The following PCLO variants were observed in gnomAD, a reference collection of about 807,000 sequenced individuals.
The protein encoded by PCLO is protein piccolo.
Under a neutral mutation model 427.5 loss-of-function variants are expected in PCLO, and 82 were observed. The ratio of observed to expected loss-of-function variants is 0.19; its 90% CI spans 0.16 to 0.23. The LOEUF (loss-of-function observed/expected upper bound fraction) is 0.23, where lower values mean the gene tolerates loss of function less well. Among genes scored for constraint, PCLO ranks in the 10% least tolerant of loss-of-function variants. PCLO has a pLI of 1.00. For missense variants in PCLO, 6,239 were observed against 6,115.9 expected (o/e 1.02, Z -0.67); for synonymous variants, 2,357 against 2,155.4 (o/e 1.09, Z -2.59).
chr7:83,087,697 A>G (rs1192018310), intron 3 of PCLO, among the ~76,000 whole-genome samples: 3 of 152,080 alleles, frequency 2.0e-5, no homozygotes, highest in Admixed American at 6.6e-5. Flanking sequence ...CATTACAATA[A>G]GAAAAAGTAA....
chr7:82,755,164 A>G lies in PCLO; in HGVS notation c.*3411T>C, dbSNP rs1187824912. On this transcript the variant is annotated 3_prime_UTR_variant, in exon 25 of 25. Transcript: ENST00000333891. ...TAATAAGAATCAATATCAGCTGGTT[A>G]CCAGCTATAATATTCCCACAATATG... The G allele has an allele frequency of 6.6e-6, 1 of 152,164 alleles. No individual in the cohort carries two copies. The highest frequency in any genetic ancestry group is 1.5e-5 in the Non-Finnish European group (1 of 68,012). 9.4% of individuals were successfully genotyped at this position (152,164 alleles called of 1,614,324 possible). A position where few individuals can be genotyped will look rare whatever the true frequency, so the allele number is the denominator to read the frequency against.
At chr7:82,990,550 G>A (rs914604213) in intron 3 of PCLO, among the ~76,000 whole-genome samples, 72 of 152,026 alleles carry the variant, frequency 4.7e-4, no homozygotes, top group African/African-American at 1.6e-3. Context: ...CTTGAGTTTG[G>A]TTACAGACAA....
intron 3 of PCLO, among the ~76,000 whole-genome samples, chr7:82,974,394 A>C (rs1471128532): frequency 6.6e-6 from 1 of 152,176 alleles, no homozygotes; most frequent in Admixed American, 6.5e-5. Flanking sequence ...GTTTAATCAG[A>C]GTTATTAGAT....
rs1156985620 is a variant in PCLO, at chr7:82,757,909, T to C, written c.*666A>G. ...TTGTTTCAAATGATACAGAAACAAATGTGCTTTTACCACATGGATTCCAAA... is the reference window on the plus strand; with the variant it reads ...TTGTTTCAAATGATACAGAAACAAACGTGCTTTTACCACATGGATTCCAAA... On this transcript the variant is annotated 3_prime_UTR_variant, in exon 25 of 25. Coordinates refer to ENST00000333891, the MANE Select transcript of PCLO (RefSeq NM_033026.6). 2 of 152,182 alleles carry C rather than the reference T, an allele frequency of 1.3e-5. No individual in the cohort carries two copies. The highest frequency in any genetic ancestry group is 1.9e-4 in the East Asian group (1 of 5,184). The allele number at this position is 152,182 out of a possible 1,614,324, so 9.4% of individuals were successfully genotyped here.
chr7:83,126,592 T>C (rs1002967163), intron 3 of PCLO, among the ~76,000 whole-genome samples: 1 of 151,974 alleles, frequency 6.6e-6, no homozygotes, highest in African/African-American at 2.4e-5. Flanking sequence ...AAAAAATTCA[T>C]ATAAGAATGA....
At position 82,955,625 on chromosome 7, in the gene PCLO, T is replaced by G; in HGVS notation, c.5328A>C (p.Glu1776Asp). 1 of 1,613,914 alleles carries G rather than the reference T, an allele frequency of 6.2e-7. No individual in the cohort carries two copies. Among genetic ancestry groups the G allele is most frequent in the Non-Finnish European group, 8.5e-7 (1 of 1,179,808 alleles). ...ATTCTTCTTCCTCTCTCAATTCTTC[T>G]TCCTCTGAAGAATCTTCAATAGTAG... is the stretch of plus-strand genomic sequence containing the variant. ...LLPTIEDSSE[E>D]EELREEEELL... The change falls in exon 5 of 25, where the codon GAA (glutamate) becomes GAC (aspartate). Residue 1776 changes from glutamate (E) to aspartate (D), a missense_variant. Physicochemically the swap from Glu to Asp is conservative, Grantham distance 45. Coordinates refer to ENST00000333891, the MANE Select transcript of PCLO (RefSeq NM_033026.6).
chr7:82,959,756 A>T (rs1305437355), intron 4 of PCLO, among the ~76,000 whole-genome samples: 1 of 152,060 alleles, frequency 6.6e-6, no homozygotes, highest in East Asian at 1.9e-4. Context: ...ACAGGATTTC[A>T]TCATTGTTTA....
chr7:83,038,693 T>C (rs971842241), intron 3 of PCLO, among the ~76,000 whole-genome samples: 1 of 151,976 alleles, frequency 6.6e-6, no homozygotes, highest in African/African-American at 2.4e-5. Context: ...AAAACATTCA[T>C]TTGCAAGATT....
intron 9 of PCLO, among the ~76,000 whole-genome samples, chr7:82,882,626 T>G (rs947028540): frequency 2.0e-5 from 3 of 152,136 alleles, no homozygotes; most frequent in African/African-American, 7.2e-5. Context: ...GTTTAAAATT[T>G]AGAAAACCTT....
chr7:83,078,533 CTAT>C (rs958752701), intron 3 of PCLO, among the ~76,000 whole-genome samples: 5 of 83,928 alleles, frequency 6.0e-5, no homozygotes, highest in Middle Eastern at 4.3e-3. Flanking sequence ...ATTATTATTA[CTAT>C]TATTATTATT....
chr7:82,882,042 ATTTG>A (rs1793521124), intron 9 of PCLO, among the ~76,000 whole-genome samples: 2 of 152,096 alleles, frequency 1.3e-5, no homozygotes, highest in South Asian at 2.1e-4. Flanking sequence ...GAAAAATAAC[ATTTG>A]TTTGTTTATT....
chr7:83,135,941 T>C (rs1434631913), intron 2 of PCLO, among the ~76,000 whole-genome samples: 1 of 151,716 alleles, frequency 6.6e-6, no homozygotes, highest in Non-Finnish European at 1.5e-5. Flanking sequence ...CTACTTAAAA[T>C]ACAAAAATTA....
At chr7:82,776,449 C>A (rs1317676856) in intron 22 of PCLO, among the ~76,000 whole-genome samples, 2 of 151,534 alleles carry the variant, frequency 1.3e-5, no homozygotes, top group Non-Finnish European at 2.9e-5. Context: ...AAAAATTGAG[C>A]CAAGGGCATG....
intron 22 of PCLO, among the ~76,000 whole-genome samples, chr7:82,772,852 T>G (rs997708088): frequency 1.3e-5 from 2 of 152,162 alleles, no homozygotes; most frequent in African/African-American, 4.8e-5. Flanking sequence ...TCTTACTATT[T>G]TATAGGAGAC....
At chr7:82,985,688 G>T (rs1796240942) in intron 3 of PCLO, among the ~76,000 whole-genome samples, 1 of 151,816 alleles carries the variant, frequency 6.6e-6, no homozygotes, top group African/African-American at 2.4e-5. Flanking sequence ...TATTCCTAAG[G>T]AGTAAAAATA....
chr7:82,956,766 G>C lies in PCLO; in HGVS notation c.4187C>G (p.Ser1396Cys), dbSNP rs777993268. The C allele has an allele frequency of 2.2e-5, 35 of 1,613,678 alleles. No individual in the cohort carries two copies. Among genetic ancestry groups the C allele is most frequent in the Non-Finnish European group, 2.5e-5 (30 of 1,179,788 alleles). Residue 1396 changes from serine (S) to cysteine (C), a missense_variant, in exon 5 of 25, where the codon TCT becomes TGT. Coordinates refer to ENST00000333891, the MANE Select transcript of PCLO (RefSeq NM_033026.6). ...KDILKGLKKD[S>C]FSQESSPSSP... ...GGAAGGGCTGCTTTCTTGTGAAAAAGAGTCCTTTTTGAGTCCCTTGAGAAT... is the reference window on the plus strand; with the variant it reads ...GGAAGGGCTGCTTTCTTGTGAAAAACAGTCCTTTTTGAGTCCCTTGAGAAT...
rs546573948 is a variant in PCLO, at chr7:82,828,729, C to G, written c.14250-763G>C. ...CTGGCAGAACATCTATAGCTGGCAC[C>G]AACCTGCTGATGGGGTTGAAATTAG... On this transcript the variant is annotated intron_variant, in intron 16 of 24. Transcript: ENST00000333891. Among the ~76,000 whole-genome samples the G allele has an allele frequency of 7.2e-5, 11 of 152,252 alleles. No individual in the cohort carries two copies. In the East Asian group the frequency reaches 1.2e-3, roughly 16 times the overall value.
At chr7:83,136,304 T>A (rs911193095) in intron 2 of PCLO, among the ~76,000 whole-genome samples, 1 of 152,186 alleles carries the variant, frequency 6.6e-6, no homozygotes, top group African/African-American at 2.4e-5. Flanking sequence ...TGTGTTTTTT[T>A]AACAAGCTTT....
intron 2 of PCLO, among the ~76,000 whole-genome samples, chr7:83,146,515 T>TA (rs1440266267): frequency 6.6e-6 from 1 of 152,172 alleles, no homozygotes; most frequent in Non-Finnish European, 1.5e-5. Context: ...GGGAAACTGT[T>TA]AGATATGTGT....
Sources: gnomAD v4.1 joint callset for allele counts (sites outside exome capture counted in the v4.1 genomes callset) on GRCh38, gnomAD v4.1.1 for gene constraint, MANE v1.5 for transcripts, NCBI Gene and HGNC (gene_info 2026-07-23, HGNC 2026-07-21) for gene names.